The following MYO5C variants were observed in gnomAD, a reference collection of about 807,000 sequenced individuals.
MYO5C encodes the protein unconventional myosin-Vc.
MYO5C carries 194 observed loss-of-function variants against 235.7 expected under a neutral mutation model. The observed-to-expected ratio is 0.82, with a 90% CI of 0.73 to 0.93. The LOEUF (loss-of-function observed/expected upper bound fraction) is 0.93, where lower values mean the gene tolerates loss of function less well. Ranked by LOEUF, MYO5C falls within the 40% of genes least tolerant of loss-of-function variation. The pLI, the probability that MYO5C is intolerant of heterozygous loss-of-function variation, is 0.00. For missense variants in MYO5C, 2,038 were observed against 2,127.2 expected, an observed-to-expected ratio of 0.96 and a Z score of 0.82; for synonymous variants, 707 against 754.8, an observed-to-expected ratio of 0.94 and a Z score of 1.04.
At chr15:52,249,926 C>T (rs1408344457) in intron 13 of MYO5C, among the ~76,000 whole-genome samples, 1 of 152,202 alleles carries the variant, frequency 6.6e-6, no homozygotes, top group Non-Finnish European at 1.5e-5. Flanking sequence ...TGGGTTCTTC[C>T]CACCAATCAA....
chr15:52,216,208 A>G (rs2035546533), intron 32 of MYO5C, among the ~76,000 whole-genome samples: 1 of 152,062 alleles, frequency 6.6e-6, no homozygotes, highest in African/African-American at 2.4e-5. Flanking sequence ...ATTAATTATT[A>G]TTATTATTAG....
At position 52,271,764 on chromosome 15, in the gene MYO5C, C is replaced by A. The variant is rs773088775; in HGVS notation, c.831G>T (p.Leu277Phe). 158 of 1,528,842 alleles carry A rather than the reference C, an allele frequency of 1.0e-4. No homozygotes were observed. Among genetic ancestry groups the A allele is most frequent in the Non-Finnish European group, 1.4e-4 (153 of 1,122,778 alleles). The allele number at this position is 1,528,842 out of a possible 1,614,324, so 94.7% of individuals were successfully genotyped here. A position where few individuals can be genotyped will look rare whatever the true frequency, so the allele number is the denominator to read the frequency against. ...AQQSEFKHLKLGSAEEFNYTR... is the reference protein window; with the variant it reads ...AQQSEFKHLKFGSAEEFNYTR... ...TTTCATACACGATCCATCACATACC[C>A]AATTTAAGATGTTTAAATTCCGACT... The change falls in exon 7 of 41, where the codon TTG becomes TTT. Residue 277 changes from leucine (L) to phenylalanine (F), a missense_variant and splice_region_variant. Leu to Phe is a conservative substitution (Grantham distance 22). Transcript: ENST00000261839.
In MYO5C at chr15:52,213,384, C is replaced by T. The variant is rs138415664; in HGVS notation, c.4043-98G>A. 617 of 804,092 alleles carry T rather than the reference C, an allele frequency of 7.7e-4. 4 individuals are homozygous for T. Among genetic ancestry groups the T allele is most frequent in the African/African-American group, 6.1e-3 (356 of 58,790 alleles). The allele number at this position is 804,092 out of a possible 1,614,324, so 49.8% of individuals were successfully genotyped here. Reference sequence around the variant, plus strand: ...CCTACCCCATTCTGGCTGGTTTGCACGTAAATGTCTGTGGCTTTCAGATAC... The same window carrying T: ...CCTACCCCATTCTGGCTGGTTTGCATGTAAATGTCTGTGGCTTTCAGATAC... On this transcript the variant is annotated intron_variant, in intron 33 of 40. Coordinates refer to ENST00000261839, the MANE Select transcript of MYO5C (RefSeq NM_018728.4).
chr15:52,238,085 G>C (rs2036130620), intron 21 of MYO5C, among the ~76,000 whole-genome samples: 1 of 152,218 alleles, frequency 6.6e-6, no homozygotes, highest in Non-Finnish European at 1.5e-5. Context: ...TTAAGACACA[G>C]ACACAGGCAT....
chr15:52,262,871 A>G (rs574192813), intron 9 of MYO5C, among the ~76,000 whole-genome samples: 1 of 152,352 alleles, frequency 6.6e-6, no homozygotes, highest in East Asian at 1.9e-4. Flanking sequence ...TCATATGTTG[A>G]AGTCCTAACC....
At chr15:52,203,913 A>C (rs1441658228) in intron 38 of MYO5C, among the ~76,000 whole-genome samples, 1 of 152,160 alleles carries the variant, frequency 6.6e-6, no homozygotes, top group African/African-American at 2.4e-5. Context: ...GGCTTATTTC[A>C]CTTAGCATAA....
At chr15:52,240,540 CAAAAAAAGAAAAAGAAGA>C (rs1275583094) in intron 20 of MYO5C, among the ~76,000 whole-genome samples, 1 of 101,490 alleles carries the variant, frequency 9.9e-6, no homozygotes, top group African/African-American at 4.6e-5. Flanking sequence ...TCATTCTCTA[CAAAAAAAGAAAAAGAAGA>C]AAAAAGAAAA....
In MYO5C at chr15:52,236,566, C is replaced by T. The variant is rs1328310419; in HGVS notation, c.2869-803G>A. Among the ~76,000 whole-genome samples, 4 of 152,288 alleles carry T rather than the reference C, an allele frequency of 2.6e-5. No homozygotes were observed. The East Asian group carries it at 5.8e-4, about 22-fold the overall frequency. On this transcript the variant is annotated intron_variant, in intron 22 of 40. Transcript: ENST00000261839. ...TGGCGCATGCCTGTAATCCCAGCTA[C>T]TCGGGAGGCTGAGGAAGGAGAATTG...
At chr15:52,199,059 A>AT (rs1439856690) in intron 38 of MYO5C, among the ~76,000 whole-genome samples, 1 of 149,026 alleles carries the variant, frequency 6.7e-6, no homozygotes, top group Non-Finnish European at 1.5e-5. Context: ...AACCTGGCTA[A>AT]TTTTTTTGTA....
chr15:52,223,851 C>CA lies in MYO5C; in HGVS notation c.3447-128dup. 5.4e-6 allele frequency: 4 copies of CA among 736,932 alleles called. No individual in the cohort carries two copies. The South Asian group carries it at 9.5e-5, about 18-fold the overall frequency. 45.6% of individuals were successfully genotyped at this position (736,932 alleles called of 1,614,324 possible). A position where few individuals can be genotyped will look rare whatever the true frequency, so the allele number is the denominator to read the frequency against. Reference sequence around the variant, plus strand: ...AGTACATCAAGTTTACTTATGCACTCACGGTTACAGGCTACAGAATCAGGA... The same window carrying CA: ...AGTACATCAAGTTTACTTATGCACTCAACGGTTACAGGCTACAGAATCAGGA... On this transcript the variant is annotated intron_variant, in intron 28 of 40. Transcript: ENST00000261839.
At chr15:52,218,261 C>T (rs1188168614) in intron 32 of MYO5C, among the ~76,000 whole-genome samples, 1 of 152,164 alleles carries the variant, frequency 6.6e-6, no homozygotes, top group African/African-American at 2.4e-5. Flanking sequence ...GTGCCGTGCA[C>T]TGATAGTGCT....
At chr15:52,208,707 T>A in intron 35 of MYO5C, 64 bp from the exon 36 acceptor site, 1 of 1,430,572 alleles carries the variant, frequency 7.0e-7, no homozygotes, top group Non-Finnish European at 9.8e-7. Flanking sequence ...AGCATTTACC[T>A]GTTTGGTTAT....
chr15:52,261,547 C>T (rs4774617), intron 9 of MYO5C, among the ~76,000 whole-genome samples: 142,555 of 152,256 alleles, frequency 0.94, 67,153 homozygotes, highest in Non-Finnish European at 0.99. Context: ...TGCCCCACCT[C>T]GTGTGGCCAG....
At chr15:52,198,134 A>G (rs1197431755) in intron 38 of MYO5C, among the ~76,000 whole-genome samples, 2 of 150,222 alleles carry the variant, frequency 1.3e-5, no homozygotes, top group Non-Finnish European at 3.0e-5. Context: ...GGAGTTCAAG[A>G]CCAGCCTGGC....
At position 52,252,498 on chromosome 15, in the gene MYO5C, G is replaced by A. The variant is rs143798169; in HGVS notation, c.1536+819C>T. Reference sequence around the variant, plus strand: ...TCTACTAAAAATACAAAAATTGGCCGGGCGCAGTGGCTCATGCCTGTAATC... The same window carrying A: ...TCTACTAAAAATACAAAAATTGGCCAGGCGCAGTGGCTCATGCCTGTAATC... On this transcript the variant is annotated intron_variant, in intron 12 of 40. Coordinates refer to ENST00000261839, the MANE Select transcript of MYO5C (RefSeq NM_018728.4). Among the ~76,000 whole-genome samples, 1,104 of 151,446 alleles carry A rather than the reference G, an allele frequency of 7.3e-3. 4 individuals carry two copies. Among genetic ancestry groups the A allele is most frequent in the Middle Eastern group, 0.014 (4 of 290 alleles).
rs1242863477 is a variant in MYO5C, at chr15:52,242,209, C to A, written c.2395G>T (p.Ala799Ser). 6.2e-7 allele frequency: 1 copy of A among 1,609,960 alleles called. No homozygotes were observed. The highest frequency in any genetic ancestry group is 8.5e-7 in the Non-Finnish European group (1 of 1,177,870). Residue 799 changes from alanine to serine, a missense_variant, in exon 20 of 41, where the codon GCT becomes TCT. Ala to Ser is a moderately conservative substitution (Grantham distance 99). Transcript: ENST00000261839. ...TCTTTTAAGGCCACTGCAGTAATAG[C>A]TTTCCTTGGTTAACAAGGATGAAGA... ...YFRGQQTVRK[A>S]ITAVALKEAW...
rs71130140 is a variant in MYO5C at position 52,195,962 on chromosome 15, C to CTTTTTT, written c.4995+341_4995+346dup. ...CAAAGGTGTGTGCCATCACACCCAG[C>CTTTTTT]TTTTTTTTTTTTTTTTTTTTTTTTT... On this transcript the variant is annotated intron_variant, in intron 39 of 40. Transcript: ENST00000261839. Among the ~76,000 whole-genome samples the CTTTTTT allele has an allele frequency of 7.4e-3, 595 of 80,914 alleles. 41 individuals carry two copies. Among genetic ancestry groups the CTTTTTT allele is most frequent in the East Asian group, 0.034 (50 of 1,478 alleles). The allele number at this position is 80,914 out of a possible 152,430, so 53.1% of individuals were successfully genotyped here. A position where few individuals can be genotyped will look rare whatever the true frequency, so the allele number is the denominator to read the frequency against.
intron 32 of MYO5C, among the ~76,000 whole-genome samples, 196 bp from the exon 33 acceptor site, chr15:52,214,886 A>G (rs2035520324): frequency 6.6e-6 from 1 of 152,042 alleles, no homozygotes; most frequent in South Asian, 2.1e-4. Flanking sequence ...ACATTTTATT[A>G]CTCCAAAAAT....
chr15:52,282,245 C>T (rs2037174876), intron 2 of MYO5C, among the ~76,000 whole-genome samples: 2 of 152,178 alleles, frequency 1.3e-5, no homozygotes, highest in Non-Finnish European at 2.9e-5. Flanking sequence ...CTGCCACACT[C>T]CCTCCCTTAC....
Sources: gnomAD v4.1 joint callset for allele counts (sites outside exome capture counted in the v4.1 genomes callset) on GRCh38, gnomAD v4.1.1 for gene constraint, MANE v1.5 for transcripts, NCBI Gene and HGNC (gene_info 2026-07-23, HGNC 2026-07-21) for gene names.